The following PSD3 variants were observed in gnomAD, a reference collection of about 807,000 sequenced individuals.
PSD3 encodes the protein pleckstrin and Sec7 domain containing 3.
PSD3 carries 49 observed loss-of-function variants against 105.5 expected under a neutral mutation model. The ratio of observed to expected loss-of-function variants is 0.46; its 90% CI spans 0.37 to 0.59. The LOEUF (loss-of-function observed/expected upper bound fraction) is 0.59. Ranked by LOEUF, PSD3 falls within the 20% of genes least tolerant of loss-of-function variation. The pLI, the probability that PSD3 is intolerant of heterozygous loss-of-function variation, is 0.00. For missense variants in PSD3, 1,561 were observed against 1,263.8 expected, an observed-to-expected ratio of 1.24 and a Z score of -3.57; for synonymous variants, 557 against 457.8, an observed-to-expected ratio of 1.22 and a Z score of -2.77.
intron 8 of PSD3, among the ~76,000 whole-genome samples, chr8:18,769,346 AAATT>A (rs771424400): frequency 5.3e-5 from 8 of 152,196 alleles, no homozygotes; most frequent in Non-Finnish European, 7.3e-5. Flanking sequence ...TGCTTTAAAT[AAATT>A]GTTATTAATA....
chr8:18,840,186 A>C (rs1291123282), intron 4 of PSD3, among the ~76,000 whole-genome samples: 1 of 152,160 alleles, frequency 6.6e-6, no homozygotes, highest in Non-Finnish European at 1.5e-5. Flanking sequence ...AATGAGAACT[A>C]CCACCCACCT....
intron 4 of PSD3, chr8:18,849,544 T>C (rs1371074670): frequency 3.3e-5 from 5 of 152,210 alleles, no homozygotes; most frequent in Non-Finnish European, 1.5e-5. Context: ...TTTACATTTC[T>C]AGAAACCTGA....
At chr8:19,057,178 T>C (rs1828736509) in intron 1 of PSD3, among the ~76,000 whole-genome samples, 1 of 152,164 alleles carries the variant, frequency 6.6e-6, no homozygotes, top group Non-Finnish European at 1.5e-5. Flanking sequence ...TTATGCATTC[T>C]TCCACCCGCT....
chr8:18,838,505 T>G (rs1280442551), intron 4 of PSD3, among the ~76,000 whole-genome samples: 2 of 152,094 alleles, frequency 1.3e-5, no homozygotes, highest in Admixed American at 1.3e-4. Flanking sequence ...GTTCTGTTTT[T>G]AAAAATAATG....
chr8:18,673,780 C>T (rs1002619496), intron 9 of PSD3, among the ~76,000 whole-genome samples: 4 of 152,076 alleles, frequency 2.6e-5, no homozygotes, highest in African/African-American at 9.7e-5. Context: ...CCGTGGGCCT[C>T]GACTGAGCCT....
At chr8:18,681,254 C>T (rs912561124) in intron 9 of PSD3, among the ~76,000 whole-genome samples, 15 of 152,012 alleles carry the variant, frequency 9.9e-5, no homozygotes, top group African/African-American at 3.6e-4. Flanking sequence ...TCAAATTAGA[C>T]ATCCTGCATT....
chr8:18,826,704 G>A (rs1282778869), intron 4 of PSD3, among the ~76,000 whole-genome samples: 4 of 152,202 alleles, frequency 2.6e-5, no homozygotes, highest in African/African-American at 7.2e-5. Flanking sequence ...CTTTGGAAAG[G>A]CTTGAAGGTT....
At chr8:18,616,918 C>A (rs374219607) in intron 11 of PSD3, among the ~76,000 whole-genome samples, 1 of 152,110 alleles carries the variant, frequency 6.6e-6, no homozygotes, top group Non-Finnish European at 1.5e-5. Flanking sequence ...CCACCGCGCC[C>A]GGCCATCTTC....
chr8:18,781,291 A>G (rs1808597985), intron 8 of PSD3, among the ~76,000 whole-genome samples: 1 of 152,242 alleles, frequency 6.6e-6, no homozygotes. Context: ...TTAAGCAGTT[A>G]TCCTACACAG....
chr8:18,630,206 C>G (rs925325724), intron 11 of PSD3, among the ~76,000 whole-genome samples: 3 of 151,550 alleles, frequency 2.0e-5, no homozygotes, highest in East Asian at 1.9e-4. Context: ...GACAAAAGCC[C>G]CATGACACTT....
rs1799814710 is a variant in PSD3, at chr8:18,535,814, C to G, written c.3073G>C (p.Val1025Leu). 2 of 1,614,180 alleles carry G rather than the reference C, an allele frequency of 1.2e-6. No homozygotes were observed. Among genetic ancestry groups the G allele is most frequent in the Non-Finnish European group, 1.7e-6 (2 of 1,180,016 alleles). ...NPDTSPITAKVKRNVSERKDH... is the reference protein window; with the variant it reads ...NPDTSPITAKLKRNVSERKDH... ...TTCCTCTCTGACACGTTACGCTTGA[C>G]TTTGGCAGTGATTGGAGAAGTATCC... The change falls in exon 16 of 16, where the codon GTC becomes CTC. Residue 1025 changes from valine (V) to leucine (L), a missense_variant. Val to Leu is a conservative substitution (Grantham distance 32, BLOSUM62 1). Transcript: ENST00000327040.
chr8:18,683,842 G>A, intron 9 of PSD3: 1 of 765,278 alleles, frequency 1.3e-6, no homozygotes, highest in Non-Finnish European at 2.4e-6. Flanking sequence ...TGAGACTGCC[G>A]CCGGATAGAA....
At chr8:18,861,338 G>GTT (rs562613772) in intron 4 of PSD3, among the ~76,000 whole-genome samples, 59 of 151,458 alleles carry the variant, frequency 3.9e-4, no homozygotes, top group Non-Finnish European at 3.4e-4. Context: ...GTGCTCCTGT[G>GTT]TGAGCCCCTC....
intron 3 of PSD3, among the ~76,000 whole-genome samples, chr8:18,870,033 C>G (rs747052422): frequency 9.9e-5 from 15 of 152,120 alleles, no homozygotes; most frequent in Non-Finnish European, 1.5e-4. Context: ...AATATAAACA[C>G]TGGGCCACAT....
chr8:19,040,466 A>G (rs1364560149), intron 1 of PSD3, among the ~76,000 whole-genome samples: 1 of 152,126 alleles, frequency 6.6e-6, no homozygotes, highest in Non-Finnish European at 1.5e-5. Context: ...TCTGCCTCCC[A>G]AAGTGTTGGG....
chr8:18,897,217 C>T (rs1819209925), intron 2 of PSD3, among the ~76,000 whole-genome samples: 1 of 152,106 alleles, frequency 6.6e-6, no homozygotes, highest in African/African-American at 2.4e-5. Context: ...TACCTGTTGG[C>T]CATCTATATG....
At chr8:18,919,144 T>C (rs1262949891) in intron 2 of PSD3, among the ~76,000 whole-genome samples, 3 of 152,176 alleles carry the variant, frequency 2.0e-5, no homozygotes, top group East Asian at 3.8e-4. Flanking sequence ...CCTCAGAGTT[T>C]AAATTCATAC....
intron 4 of PSD3, among the ~76,000 whole-genome samples, chr8:18,848,611 C>T (rs1274822236): frequency 6.6e-6 from 1 of 152,220 alleles, no homozygotes; most frequent in Non-Finnish European, 1.5e-5. Context: ...TATGTTCTCT[C>T]TCATGTAGGG....
At chr8:18,710,463 G>T (rs74835724) in intron 9 of PSD3, among the ~76,000 whole-genome samples, 1 of 152,060 alleles carries the variant, frequency 6.6e-6, no homozygotes, top group African/African-American at 2.4e-5. Context: ...TAGCAAGACA[G>T]GCAAATATTC....
Sources: allele counts gnomAD v4.1 joint callset (sites outside exome capture counted in the v4.1 genomes callset), GRCh38; gene constraint gnomAD v4.1.1; transcripts MANE v1.5; gene names NCBI Gene and HGNC (gene_info 2026-07-23, HGNC 2026-07-21).